Variants in AGO3 observed in about 807,000 individuals in gnomAD.
AGO3 encodes protein argonaute-3.
In AGO3, 16 loss-of-function variants were observed where a neutral mutation model predicts 105.5. The ratio of observed to expected loss-of-function variants is 0.15; its 90% CI spans 0.10 to 0.23. The LOEUF is 0.23. AGO3 is among the 10% of genes least tolerant of loss of function. The pLI, the probability that AGO3 is intolerant of heterozygous loss-of-function variation, is 1.00. For missense variants in AGO3, 534 were observed against 1,088.0 expected, an observed-to-expected ratio of 0.49 and a Z score of 7.16; for synonymous variants, 340 against 367.3, an observed-to-expected ratio of 0.93 and a Z score of 0.85.
rs1380048186 is a variant in AGO3, at chr1:36,044,849, T to C, written c.2274+1301T>C. Among the ~76,000 whole-genome samples, 3 of 152,222 alleles carry C rather than the reference T, an allele frequency of 2.0e-5. No individual in the cohort carries two copies. The East Asian group carries it at 5.8e-4, about 29-fold the overall frequency. ...GGAACATAAGCTTTAAATCAGTGCA[T>C]CTCAAACTTTCCAACAACAAAAAGT... On this transcript the variant is annotated intron_variant, in intron 17 of 18. Coordinates refer to ENST00000373191, the MANE Select transcript of AGO3 (RefSeq NM_024852.4).
In AGO3 at chr1:36,055,286, T is replaced by G; in HGVS notation, c.2474+141T>G. On this transcript the variant is annotated intron_variant, in intron 18 of 18. Coordinates refer to ENST00000373191, the MANE Select transcript of AGO3 (RefSeq NM_024852.4). This position sits in a 1 kb window ranked among gnomAD's most constrained non-coding sequence, Gnocchi z 4.4. ...GAACTGACTGCCCAAGGTTTCCTAT[T>G]GAAATATATTGTCTAGGCTCATTAG... The G allele has an allele frequency of 1.2e-6, 1 of 832,632 alleles. No homozygotes were observed. The highest frequency in any genetic ancestry group is 1.7e-5 in the South Asian group (1 of 57,724). The allele number at this position is 832,632 out of a possible 1,614,324, so 51.6% of individuals were successfully genotyped here.
chr1:36,040,732 G>T (rs1264407871), intron 16 of AGO3, among the ~76,000 whole-genome samples: 1 of 152,044 alleles, frequency 6.6e-6, no homozygotes, highest in Non-Finnish European at 1.5e-5. Flanking sequence ...AGAAAAAACA[G>T]TACATTCTCT....
chr1:36,052,456 A>G (rs1206929918), intron 17 of AGO3, among the ~76,000 whole-genome samples: 1 of 152,178 alleles, frequency 6.6e-6, no homozygotes, highest in Non-Finnish European at 1.5e-5. Context: ...TTACAACTAG[A>G]TAGGAGGAAT....
chr1:35,957,032 C>T (rs375636081), intron 2 of AGO3, among the ~76,000 whole-genome samples: 6 of 152,092 alleles, frequency 3.9e-5, no homozygotes, highest in Middle Eastern at 3.4e-3. Context: ...ACTGAAAATG[C>T]GCCATTACAC....
At chr1:36,006,788 A>G (rs1640356006) in intron 6 of AGO3, among the ~76,000 whole-genome samples, 2 of 152,210 alleles carry the variant, frequency 1.3e-5, no homozygotes. Context: ...AAAGAAAAAC[A>G]AACCCATACC....
In AGO3 at chr1:36,069,246, G is replaced by C. The variant is rs1222657591; in HGVS notation, c.*13501G>C. 1 of 151,952 alleles carries C rather than the reference G, an allele frequency of 6.6e-6. No homozygotes were observed. Among genetic ancestry groups the C allele is most frequent in the Non-Finnish European group, 1.5e-5 (1 of 68,062 alleles). 9.4% of individuals were successfully genotyped at this position (151,952 alleles called of 1,614,324 possible). ...AGCCTCCCAAGTAGCTGGGACTAGA[G>C]GTACATGCCACCACACCCAGCTAAT... On this transcript the variant is annotated 3_prime_UTR_variant, in exon 19 of 19. Coordinates refer to ENST00000373191, the MANE Select transcript of AGO3 (RefSeq NM_024852.4).
intron 5 of AGO3, among the ~76,000 whole-genome samples, chr1:36,002,764 A>T (rs992276274): frequency 2.0e-5 from 3 of 152,008 alleles, no homozygotes; most frequent in African/African-American, 7.3e-5. Context: ...ATTTAATGCT[A>T]AACCAAGGAA....
At chr1:35,941,868 A>G (rs1240698296) in intron 1 of AGO3, among the ~76,000 whole-genome samples, 1 of 152,190 alleles carries the variant, frequency 6.6e-6, no homozygotes, top group African/African-American at 2.4e-5. Context: ...GTGTAAAATA[A>G]AAGCACTTAG....
chr1:35,990,256 C>T (rs1409402322), intron 5 of AGO3, among the ~76,000 whole-genome samples: 1 of 152,016 alleles, frequency 6.6e-6, no homozygotes, highest in Non-Finnish European at 1.5e-5. Flanking sequence ...CGCCTGTAAT[C>T]CCAGCACTTT....
At chr1:36,043,597 T>C (rs749577545) in intron 17 of AGO3, 49 bp downstream of exon 17, 1 of 1,401,468 alleles carries the variant, frequency 7.1e-7, no homozygotes, top group Admixed American at 2.1e-5. Context: ...ACTGTCATTC[T>C]TACGTGTATT....
rs547916628 is a variant in AGO3, at chr1:36,035,575, G to C, written c.1752-602G>C. 3.9e-5 allele frequency among the ~76,000 whole-genome samples: 6 copies of C among 152,194 alleles called. No homozygotes were observed. In the South Asian group the frequency reaches 1.2e-3, roughly 32 times the overall value. ...CCTTTTTCCCTTGAGAGATTACATAGGTTTAAAATATAAGTCTTTTTTTAA... is the reference window on the plus strand; with the variant it reads ...CCTTTTTCCCTTGAGAGATTACATACGTTTAAAATATAAGTCTTTTTTTAA... On this transcript the variant is annotated intron_variant, in intron 13 of 18. Coordinates refer to ENST00000373191, the MANE Select transcript of AGO3 (RefSeq NM_024852.4).
chr1:35,944,229 A>G (rs1344076587), intron 1 of AGO3, among the ~76,000 whole-genome samples: 1 of 151,802 alleles, frequency 6.6e-6, no homozygotes, highest in Non-Finnish European at 1.5e-5. Flanking sequence ...AAATTTGATG[A>G]ATAATACTTT....
intron 11 of AGO3, among the ~76,000 whole-genome samples, chr1:36,020,466 C>T (rs1463715765): frequency 6.6e-6 from 1 of 152,084 alleles, no homozygotes; most frequent in Non-Finnish European, 1.5e-5. Flanking sequence ...CTTACTCAGT[C>T]CAAACGATAT....
At chr1:36,009,617 G>C in intron 9 of AGO3, 23 bp downstream of exon 9, 1 of 1,601,034 alleles carries the variant, frequency 6.2e-7, no homozygotes, top group South Asian at 1.1e-5. Context: ...CCTTAGAAAT[G>C]AGAATTTAAA....
In AGO3 at chr1:36,055,752, C is replaced by A; in HGVS notation, c.*7C>A. ...CACAATGTACTTCGCTTAAATAGTC[C>A]AAGTATATTCTCTGAGAGGAAGTAC... On this transcript the variant is annotated 3_prime_UTR_variant, in exon 19 of 19. Transcript: ENST00000373191. The surrounding 1 kb of genome is among the most constrained non-coding windows in gnomAD (Gnocchi z 4.4). 6.2e-7 allele frequency: 1 copy of A among 1,611,778 alleles called. No homozygotes were observed. Among genetic ancestry groups the A allele is most frequent in the Non-Finnish European group, 8.5e-7 (1 of 1,178,048 alleles).
rs940553691 is a variant in AGO3 at position 36,064,636 on chromosome 1, T to C, written c.*8891T>C. 1 of 152,160 alleles carries C rather than the reference T, an allele frequency of 6.6e-6. No individual in the cohort carries two copies. The highest frequency in any genetic ancestry group is 2.4e-5 in the African/African-American group (1 of 41,418). 9.4% of individuals were successfully genotyped at this position (152,160 alleles called of 1,614,324 possible). A position where few individuals can be genotyped will look rare whatever the true frequency, so the allele number is the denominator to read the frequency against. On this transcript the variant is annotated 3_prime_UTR_variant, in exon 19 of 19. Coordinates refer to ENST00000373191, the MANE Select transcript of AGO3 (RefSeq NM_024852.4). ...TGGGAAAGTGTCAGGTAATTATAAA[T>C]GGGAAAATTTTATTTTTATATGATG...
At chr1:36,000,562 A>C (rs958178039) in intron 5 of AGO3, among the ~76,000 whole-genome samples, 1 of 152,134 alleles carries the variant, frequency 6.6e-6, no homozygotes, top group Non-Finnish European at 1.5e-5. Flanking sequence ...CCAGTGAATA[A>C]ATTTTACCTG....
At chr1:36,042,578 T>G (rs1026612593) in intron 16 of AGO3, among the ~76,000 whole-genome samples, 1 of 152,194 alleles carries the variant, frequency 6.6e-6, no homozygotes, top group Admixed American at 6.5e-5. Flanking sequence ...GTGGCAAAAA[T>G]ATTATCTGAG....
chr1:36,023,371 T>C (rs768423195), intron 11 of AGO3, among the ~76,000 whole-genome samples: 2 of 152,188 alleles, frequency 1.3e-5, no homozygotes, highest in Non-Finnish European at 2.9e-5. Context: ...ACACCATCTG[T>C]TAAAAGAAAA....
Sources: gnomAD v4.1 joint callset for allele counts (sites outside exome capture counted in the v4.1 genomes callset) on GRCh38, gnomAD v4.1.1 for gene constraint, Gnocchi (gnomAD v3.1) non-coding constraint, MANE v1.5 for transcripts, NCBI Gene and HGNC (gene_info 2026-07-23, HGNC 2026-07-21) for gene names.